Variants in DCUN1D4 observed in about 807,000 individuals in gnomAD.
The protein encoded by DCUN1D4 is DCN1-like protein 4.
A neutral mutation model predicts 47.9 loss-of-function variants in DCUN1D4; 22 were observed. The observed-to-expected ratio is 0.46, with a 90% CI of 0.33 to 0.66. The LOEUF (loss-of-function observed/expected upper bound fraction) is 0.66, where lower values mean the gene tolerates loss of function less well. DCUN1D4 is among the 30% of genes least tolerant of loss of function. The pLI, the probability that DCUN1D4 is intolerant of heterozygous loss-of-function variation, is 0.02. For missense variants in DCUN1D4, 301 were observed against 340.8 expected (o/e 0.88, Z 0.92); for synonymous variants, 121 against 112.2 (o/e 1.08, Z -0.50).
chr4:51,910,772 A>G (rs1733601520), intron 8 of DCUN1D4: 1 of 377,664 alleles, frequency 2.6e-6, no homozygotes, highest in Admixed American at 4.4e-5. Flanking sequence ...AGTTTTTATT[A>G]ATCCCATGAA....
At chr4:51,869,394 A>C (rs1260390575) in intron 3 of DCUN1D4, among the ~76,000 whole-genome samples, 1 of 152,182 alleles carries the variant, frequency 6.6e-6, no homozygotes, top group Non-Finnish European at 1.5e-5. Context: ...ATAGCTATAT[A>C]AAAAGTACTG....
chr4:51,882,619 T>G lies in DCUN1D4; in HGVS notation c.344-3949T>G, dbSNP rs372994409. On this transcript the variant is annotated intron_variant, in intron 5 of 10. Coordinates refer to ENST00000334635, the MANE Select transcript of DCUN1D4 (RefSeq NM_001040402.3). ...ATCTGTACTAAAAAATACAAAAAAT[T>G]AGTCGGGCGTGGTGGCGGGCACCTG... Among the ~76,000 whole-genome samples the G allele has an allele frequency of 2.4e-4, 36 of 151,932 alleles. No homozygotes were observed. In the South Asian group the frequency reaches 4.2e-3, roughly 18 times the overall value.
chr4:51,858,292 TA>T (rs1420228301), intron 1 of DCUN1D4, among the ~76,000 whole-genome samples: 1 of 152,072 alleles, frequency 6.6e-6, no homozygotes, highest in Non-Finnish European at 1.5e-5. Context: ...ATGTTATTAT[TA>T]GGGGGAAGAG....
intron 5 of DCUN1D4, chr4:51,884,799 A>G (rs150529703): frequency 6.6e-6 from 1 of 151,528 alleles, no homozygotes; most frequent in Non-Finnish European, 1.5e-5. Flanking sequence ...TGTGAGGACT[A>G]CTCCTTTGCT....
chr4:51,875,975 GT>G (rs1727610791), intron 4 of DCUN1D4, among the ~76,000 whole-genome samples: 1 of 151,878 alleles, frequency 6.6e-6, no homozygotes, highest in South Asian at 2.1e-4. Flanking sequence ...ATCCACTTTT[GT>G]TTCTAGGTGG....
intron 7 of DCUN1D4, among the ~76,000 whole-genome samples, chr4:51,898,690 T>G (rs1370782758): frequency 6.6e-6 from 1 of 152,166 alleles, no homozygotes; most frequent in East Asian, 1.9e-4. Context: ...CATAGGGACA[T>G]TATCTGACAG....
At chr4:51,876,536 T>A (rs951834829) in intron 4 of DCUN1D4, among the ~76,000 whole-genome samples, 10 of 152,142 alleles carry the variant, frequency 6.6e-5, no homozygotes, top group African/African-American at 2.4e-4. Flanking sequence ...AACCTGCACG[T>A]TGTGCACATG....
intron 1 of DCUN1D4, chr4:51,848,312 T>C (rs1016959000): frequency 5.4e-5 from 70 of 1,287,622 alleles, no homozygotes; most frequent in Non-Finnish European, 6.9e-5. Flanking sequence ...CACACGTCCG[T>C]TTCTGGTCTC....
At chr4:51,844,305 G>A (rs1722136318) in intron 1 of DCUN1D4, 2 of 983,454 alleles carry the variant, frequency 2.0e-6, no homozygotes, top group Non-Finnish European at 2.4e-6. Context: ...TTCGGGGTGC[G>A]GAGAGAGGAG....
chr4:51,855,554 G>A (rs186227755), intron 1 of DCUN1D4, among the ~76,000 whole-genome samples: 25 of 152,332 alleles, frequency 1.6e-4, no homozygotes, highest in African/African-American at 5.8e-4. Context: ...TGAACGTCAA[G>A]GGTCATGGAG....
chr4:51,894,976 A>G (rs1286284738), intron 7 of DCUN1D4, among the ~76,000 whole-genome samples: 5 of 152,208 alleles, frequency 3.3e-5, no homozygotes, highest in Non-Finnish European at 7.4e-5. Flanking sequence ...TTTTTGATTC[A>G]TAGATGGTGC....
At position 51,901,360 on chromosome 4, in the gene DCUN1D4, C is replaced by G. The variant is rs112268411; in HGVS notation, c.615+1982C>G. 7.3e-3 allele frequency among the ~76,000 whole-genome samples: 1,117 copies of G among 152,294 alleles called. 17 individuals carry two copies. Among genetic ancestry groups the G allele is most frequent in the African/African-American group, 0.026 (1,081 of 41,550 alleles). On this transcript the variant is annotated intron_variant, in intron 8 of 10. Transcript: ENST00000334635. Reference sequence around the variant, plus strand: ...AATGGCCACGTTGTTCATAGTAGATCCATGACTCAAACCTAGGCCTTCTGT... The same window carrying G: ...AATGGCCACGTTGTTCATAGTAGATGCATGACTCAAACCTAGGCCTTCTGT...
chr4:51,853,030 G>A (rs1723595351), intron 1 of DCUN1D4, among the ~76,000 whole-genome samples: 1 of 152,222 alleles, frequency 6.6e-6, no homozygotes, highest in African/African-American at 2.4e-5. Flanking sequence ...CAGTGGGTAG[G>A]TGGGGTGAGG....
At chr4:51,907,620 T>C (rs997346434) in intron 8 of DCUN1D4, among the ~76,000 whole-genome samples, 2 of 152,240 alleles carry the variant, frequency 1.3e-5, no homozygotes, top group African/African-American at 2.4e-5. Context: ...AGCTAGTCTC[T>C]CTTGAAAATC....
At chr4:51,845,115 G>T in intron 1 of DCUN1D4, 1 of 985,506 alleles carries the variant, frequency 1.0e-6, no homozygotes, top group Non-Finnish European at 1.2e-6. Flanking sequence ...CGCACGGGTT[G>T]TGGGAAAACA....
chr4:51,844,383 GGACGGCGGGAA>G, intron 1 of DCUN1D4: 1 of 984,820 alleles, frequency 1.0e-6, no homozygotes, highest in Non-Finnish European at 1.2e-6. Context: ...GGTTCCCCCC[GGACGGCGGGAA>G]GCGAGGTCAG....
In DCUN1D4 at chr4:51,843,460, G is replaced by C. The variant is rs551277105; in HGVS notation, c.25+193G>C. ...GGCGGCGTGGGGCGGGGGCGGGCGT[G>C]GGGGGAAGGGACCGGCCTGCGGGGA... On this transcript the variant is annotated intron_variant, in intron 1 of 10. Coordinates refer to ENST00000334635, the MANE Select transcript of DCUN1D4 (RefSeq NM_001040402.3). 10 of 1,220,334 alleles carry C rather than the reference G, an allele frequency of 8.2e-6. No homozygotes were observed. The South Asian group carries it at 2.0e-4, about 25-fold the overall frequency. 75.6% of individuals were successfully genotyped at this position (1,220,334 alleles called of 1,614,324 possible). A position where few individuals can be genotyped will look rare whatever the true frequency, so the allele number is the denominator to read the frequency against.
chr4:51,852,100 G>T (rs1344819071), intron 1 of DCUN1D4, among the ~76,000 whole-genome samples: 1 of 152,048 alleles, frequency 6.6e-6, no homozygotes, highest in African/African-American at 2.4e-5. Context: ...TTTCTTCTTG[G>T]AATGAGTCCC....
At position 51,897,816 on chromosome 4, in the gene DCUN1D4, G is replaced by A. The variant is rs566030141; in HGVS notation, c.507-1454G>A. Reference sequence around the variant, plus strand: ...TTTAGGGGGCTACTGCCCAAATGGGGAAAGTTTCTACAATCAAAAAGAGTA... The same window carrying A: ...TTTAGGGGGCTACTGCCCAAATGGGAAAAGTTTCTACAATCAAAAAGAGTA... On this transcript the variant is annotated intron_variant, in intron 7 of 10. Transcript: ENST00000334635. Among the ~76,000 whole-genome samples, 540 of 152,318 alleles carry A rather than the reference G, an allele frequency of 3.5e-3. 3 individuals carry two copies. Among genetic ancestry groups the A allele is most frequent in the Non-Finnish European group, 5.6e-3 (382 of 68,032 alleles).
Sources: allele counts gnomAD v4.1 joint callset (sites outside exome capture counted in the v4.1 genomes callset), GRCh38; gene constraint gnomAD v4.1.1; transcripts MANE v1.5; gene names NCBI Gene and HGNC (gene_info 2026-07-23, HGNC 2026-07-21).